ZCCHC4: variants seen among roughly 807,000 people sequenced by gnomAD.
ZCCHC4 encodes the protein zinc finger CCHC-type containing 4.
A neutral mutation model predicts 67.7 loss-of-function variants in ZCCHC4; 54 were observed. That is an observed-to-expected ratio of 0.80 (90% CI 0.64 to 1.00). ZCCHC4 has a LOEUF of 1.00. Among genes scored for constraint, ZCCHC4 ranks in the 50% least tolerant of loss-of-function variants. ZCCHC4 has a pLI of 0.00. For synonymous variants in ZCCHC4, 198 were observed against 213.5 expected (o/e 0.93, Z 0.63); for missense variants, 609 against 617.0 (o/e 0.99, Z 0.14).
chr4:25,319,545 C>T (rs577877286), intron 3 of ZCCHC4, among the ~76,000 whole-genome samples: 1 of 152,276 alleles, frequency 6.6e-6, no homozygotes, highest in Non-Finnish European at 1.5e-5. Context: ...CACTGTATCA[C>T]TTTGTAATCA....
intron 5 of ZCCHC4, among the ~76,000 whole-genome samples, chr4:25,336,135 A>G (rs752494249): frequency 6.6e-6 from 1 of 152,224 alleles, no homozygotes; most frequent in Non-Finnish European, 1.5e-5. Context: ...TTTCTATCAT[A>G]CTGAAAAGAA....
chr4:25,351,510 G>T, intron 7 of ZCCHC4, 79 bp from the exon 8 acceptor site: 1 of 882,324 alleles, frequency 1.1e-6, no homozygotes, highest in Non-Finnish European at 1.7e-6. Flanking sequence ...AATTTCTTAT[G>T]CTAGCGGAAG....
At chr4:25,322,017 T>C (rs916809525) in intron 3 of ZCCHC4, among the ~76,000 whole-genome samples, 1 of 152,230 alleles carries the variant, frequency 6.6e-6, no homozygotes, top group Non-Finnish European at 1.5e-5. Context: ...AGGTCTGAAC[T>C]ACATCTTGGC....
At chr4:25,364,163 C>G (rs1262066285) in intron 10 of ZCCHC4, among the ~76,000 whole-genome samples, 1 of 152,002 alleles carries the variant, frequency 6.6e-6, no homozygotes, top group African/African-American at 2.4e-5. Flanking sequence ...CATTTGAGTC[C>G]TTCTTTGTGC....
intron 8 of ZCCHC4, among the ~76,000 whole-genome samples, chr4:25,357,898 C>T (rs989968854): frequency 1.3e-5 from 2 of 152,112 alleles, no homozygotes; most frequent in Non-Finnish European, 2.9e-5. Context: ...TTATTAGGCC[C>T]TAGGTGAGGT....
rs149041554 is a variant in ZCCHC4, at chr4:25,316,203, A to G, written c.329+803A>G. On this transcript the variant is annotated intron_variant, in intron 3 of 12. Coordinates refer to ENST00000302874, the MANE Select transcript of ZCCHC4 (RefSeq NM_024936.3). ...ATAATATCCGTTGTCTGTCTATACC[A>G]CAGTTTAAAAATCTGTTCATCTGTT... 1.9e-3 allele frequency among the ~76,000 whole-genome samples: 290 copies of G among 152,300 alleles called. 2 individuals carry two copies. The highest frequency in any genetic ancestry group is 6.8e-3 in the African/African-American group (281 of 41,558).
At chr4:25,342,927 A>G (rs564559510) in intron 5 of ZCCHC4, among the ~76,000 whole-genome samples, 38 of 152,276 alleles carry the variant, frequency 2.5e-4, no homozygotes, top group Non-Finnish European at 4.9e-4. Flanking sequence ...GCTGAGTTTC[A>G]TGTAAATCAA....
At chr4:25,314,300 T>A in intron 2 of ZCCHC4, 136 bp downstream of exon 2, 1 of 596,706 alleles carries the variant, frequency 1.7e-6, no homozygotes, top group South Asian at 2.5e-5. Context: ...ATACTATGTT[T>A]GTTGGTTCAG....
At chr4:25,316,939 A>C (rs889843642) in intron 3 of ZCCHC4, among the ~76,000 whole-genome samples, 2 of 152,218 alleles carry the variant, frequency 1.3e-5, no homozygotes, top group African/African-American at 4.8e-5. Context: ...ACTAAACCAA[A>C]CTTTAAAAAT....
rs529187150 is a variant in ZCCHC4 at position 25,355,350 on chromosome 4, C to A, written c.1011+3661C>A. ...ATAAGTTTCTCTTTTGGTACTAAGC[C>A]TGATAAATTGCTAGTGATTTTCTGG... On this transcript the variant is annotated intron_variant, in intron 8 of 12. Coordinates refer to ENST00000302874, the MANE Select transcript of ZCCHC4 (RefSeq NM_024936.3). Among the ~76,000 whole-genome samples the A allele has an allele frequency of 2.0e-5, 3 of 152,264 alleles. No homozygotes were observed. The South Asian group carries it at 6.2e-4, about 32-fold the overall frequency.
intron 3 of ZCCHC4, among the ~76,000 whole-genome samples, chr4:25,332,244 G>C (rs1486527911): frequency 6.6e-6 from 1 of 150,990 alleles, no homozygotes; most frequent in Non-Finnish European, 1.5e-5. Flanking sequence ...AGAGGTGGAG[G>C]CTGCAGTGAG....
intron 12 of ZCCHC4, chr4:25,365,840 T>C (rs1437150790): frequency 2.0e-6 from 2 of 985,292 alleles, no homozygotes; most frequent in African/African-American, 3.5e-5. Flanking sequence ...GAGAAAAACA[T>C]TGCTATTTTA....
chr4:25,345,440 T>C, intron 5 of ZCCHC4, 108 bp from the exon 6 acceptor site: 1 of 732,652 alleles, frequency 1.4e-6, no homozygotes. Flanking sequence ...TTCAAAAAAC[T>C]AAAAAATGAA....
intron 8 of ZCCHC4, among the ~76,000 whole-genome samples, chr4:25,356,383 A>G (rs1166534818): frequency 6.6e-6 from 1 of 152,204 alleles, no homozygotes; most frequent in Non-Finnish European, 1.5e-5. Flanking sequence ...GAGGTACATT[A>G]ATTTACTCTA....
intron 5 of ZCCHC4, among the ~76,000 whole-genome samples, chr4:25,341,182 G>T (rs1170120516): frequency 6.6e-6 from 1 of 152,066 alleles, no homozygotes; most frequent in Admixed American, 6.6e-5. Context: ...CACAAAATAT[G>T]TGTTAATTGA....
In ZCCHC4 at chr4:25,359,380, A is replaced by G. The variant is rs1370973562; in HGVS notation, c.1012-2479A>G. Among the ~76,000 whole-genome samples, 1 of 151,720 alleles carries G rather than the reference A, an allele frequency of 6.6e-6. No homozygotes were observed. The highest frequency in any genetic ancestry group is 1.5e-5 in the Non-Finnish European group (1 of 67,904). On this transcript the variant is annotated intron_variant, in intron 8 of 12. Transcript: ENST00000302874. The surrounding 1 kb of genome is among the most constrained non-coding windows in gnomAD (Gnocchi z 4.9). ...CTCAGAAAAAGAGTTAGAAGCTGCC[A>G]TGAATGGGGACCTCCAGGCACAGGC...
chr4:25,349,448 C>T (rs750682254), intron 6 of ZCCHC4, 44 bp from the exon 7 acceptor site: 67 of 1,589,596 alleles, frequency 4.2e-5, no homozygotes, highest in Non-Finnish European at 5.4e-5. Context: ...GATGAAGTGC[C>T]TCTCTCTAGT....
chr4:25,321,107 T>TA (rs1421899171), intron 3 of ZCCHC4, among the ~76,000 whole-genome samples: 1 of 152,244 alleles, frequency 6.6e-6, no homozygotes, highest in Non-Finnish European at 1.5e-5. Flanking sequence ...TTAGGTCCTC[T>TA]AAAGGCCTTA....
At chr4:25,338,337 G>T (rs1327460557) in intron 5 of ZCCHC4, among the ~76,000 whole-genome samples, 2 of 152,182 alleles carry the variant, frequency 1.3e-5, no homozygotes, top group East Asian at 3.8e-4. Context: ...AATGCAGTGT[G>T]CCTGCCTCAG....
Sources: allele counts gnomAD v4.1 joint callset (sites outside exome capture counted in the v4.1 genomes callset), GRCh38; gene constraint gnomAD v4.1.1; non-coding constraint Gnocchi (gnomAD v3.1); transcripts MANE v1.5; gene names NCBI Gene and HGNC (gene_info 2026-07-23, HGNC 2026-07-21).